AGPS: variants seen among roughly 807,000 people sequenced by gnomAD.
AGPS encodes the protein alkylglycerone phosphate synthase.
A neutral mutation model predicts 90.7 loss-of-function variants in AGPS; 26 were observed. That is an observed-to-expected ratio of 0.29 (90% confidence interval 0.21 to 0.40). The LOEUF (loss-of-function observed/expected upper bound fraction) is 0.40. Among genes scored for constraint, AGPS ranks in the 10% least tolerant of loss-of-function variants. The pLI is 1.00. For missense variants in AGPS, 540 were observed against 816.1 expected (o/e 0.66, Z 4.12); for synonymous variants, 294 against 285.3 (o/e 1.03, Z -0.31).
chr2:177,412,939 C>T (rs544721207), intron 1 of AGPS, among the ~76,000 whole-genome samples: 40 of 152,228 alleles, frequency 2.6e-4, no homozygotes, highest in South Asian at 6.2e-4. Context: ...ATGGGTGCCT[C>T]GCTGGATCAG....
intron 1 of AGPS, among the ~76,000 whole-genome samples, chr2:177,404,041 C>T (rs970822841): frequency 2.0e-5 from 3 of 152,124 alleles, no homozygotes; most frequent in South Asian, 2.1e-4. Context: ...AAATAAGGAA[C>T]GATTGCTTGT....
intron 16 of AGPS, among the ~76,000 whole-genome samples, chr2:177,509,976 T>C (rs1220237704): frequency 6.6e-6 from 1 of 152,040 alleles, no homozygotes; most frequent in Non-Finnish European, 1.5e-5. Context: ...AAAGAAACCC[T>C]GAAACAACCC....
intron 1 of AGPS, 73 bp downstream of exon 1, chr2:177,393,122 G>A: frequency 6.5e-7 from 1 of 1,549,818 alleles, no homozygotes; most frequent in Non-Finnish European, 8.7e-7. Flanking sequence ...GGGCACAGGC[G>A]AGGTGGGAAG....
intron 18 of AGPS, among the ~76,000 whole-genome samples, chr2:177,522,963 T>C (rs532923640): frequency 6.6e-6 from 1 of 152,328 alleles, no homozygotes; most frequent in East Asian, 1.9e-4. Flanking sequence ...GTCATCCTTT[T>C]TTACAGTGCT....
At chr2:177,436,958 CT>C (rs763109096) in intron 4 of AGPS, 21 bp from the exon 5 acceptor site, 4 of 1,611,230 alleles carry the variant, frequency 2.5e-6, no homozygotes, top group East Asian at 2.2e-5. Context: ...TTGTGTTTTT[CT>C]TTTTTTTAAC....
At chr2:177,433,783 T>A (rs899087230) in intron 2 of AGPS, among the ~76,000 whole-genome samples, 1 of 152,220 alleles carries the variant, frequency 6.6e-6, no homozygotes, top group Non-Finnish European at 1.5e-5. Flanking sequence ...AGTTTTTTTT[T>A]AAGCTTAACT....
intron 1 of AGPS, among the ~76,000 whole-genome samples, chr2:177,394,780 T>C (rs1262663864): frequency 6.6e-6 from 1 of 152,148 alleles, no homozygotes; most frequent in Admixed American, 6.5e-5. Flanking sequence ...GCTGTGAGAA[T>C]TGAAAAAAAT....
At chr2:177,395,539 T>C in intron 1 of AGPS, among the ~76,000 whole-genome samples, 1 of 152,246 alleles carries the variant, frequency 6.6e-6, no homozygotes, top group East Asian at 1.9e-4. Flanking sequence ...GGTGATATAC[T>C]TGATAGATAA....
chr2:177,448,871 C>G (rs937035553), intron 8 of AGPS, among the ~76,000 whole-genome samples: 3 of 152,166 alleles, frequency 2.0e-5, no homozygotes, highest in African/African-American at 4.8e-5. Context: ...CCAGGAATCA[C>G]TGATTTGCTT....
chr2:177,442,514 A>G, intron 7 of AGPS, 28 bp downstream of exon 7: 1 of 1,529,970 alleles, frequency 6.5e-7, no homozygotes, highest in Non-Finnish European at 9.1e-7. Context: ...ATATATTTAA[A>G]ACATTTTCTT....
chr2:177,475,559 A>G (rs753625978), intron 10 of AGPS, among the ~76,000 whole-genome samples: 1 of 152,216 alleles, frequency 6.6e-6, no homozygotes, highest in Non-Finnish European at 1.5e-5. Context: ...TTGGAATTAT[A>G]TAATATGTAA....
intron 19 of AGPS, among the ~76,000 whole-genome samples, chr2:177,530,007 T>C (rs1160009501): frequency 5.3e-5 from 8 of 152,196 alleles, no homozygotes; most frequent in Admixed American, 5.2e-4. Context: ...TAAAAAACAA[T>C]AGTTTTGTTT....
intron 8 of AGPS, among the ~76,000 whole-genome samples, chr2:177,447,123 C>T (rs778693445): frequency 6.6e-5 from 10 of 152,106 alleles, no homozygotes; most frequent in Non-Finnish European, 1.2e-4. Context: ...AGAGACCCCT[C>T]TCCTCCAAAC....
intron 1 of AGPS, among the ~76,000 whole-genome samples, chr2:177,400,607 A>G (rs1162611156): frequency 2.0e-5 from 3 of 152,156 alleles, no homozygotes; most frequent in Admixed American, 6.5e-5. Flanking sequence ...TCGTCTTGTC[A>G]TTCACTAAGA....
intron 1 of AGPS, among the ~76,000 whole-genome samples, chr2:177,413,253 GTC>G (rs2105600942): frequency 6.6e-6 from 1 of 152,290 alleles, no homozygotes; most frequent in East Asian, 1.9e-4. Context: ...GGTATTGTTG[GTC>G]TGTCCCCAAA....
chr2:177,475,230 A>T (rs890560804), intron 10 of AGPS, among the ~76,000 whole-genome samples: 2 of 152,256 alleles, frequency 1.3e-5, no homozygotes, highest in Non-Finnish European at 2.9e-5. Flanking sequence ...GGAAAGAATG[A>T]CAGATAATCT....
At chr2:177,448,212 C>T (rs1294021852) in intron 8 of AGPS, among the ~76,000 whole-genome samples, 1 of 152,086 alleles carries the variant, frequency 6.6e-6, no homozygotes, top group African/African-American at 2.4e-5. Flanking sequence ...AGTTACTCAC[C>T]TTTAAGCCTC....
At chr2:177,415,622 A>G (rs1279152366) in intron 1 of AGPS, among the ~76,000 whole-genome samples, 4 of 152,176 alleles carry the variant, frequency 2.6e-5, no homozygotes, top group Non-Finnish European at 5.9e-5. Flanking sequence ...TTGCATGATA[A>G]TGTTCAAGAA....
chr2:177,514,162 C>T (rs1256220517), intron 17 of AGPS, among the ~76,000 whole-genome samples: 6 of 152,020 alleles, frequency 3.9e-5, no homozygotes, highest in African/African-American at 1.5e-4. Context: ...AGTGAAGAGC[C>T]AGGTGTCTGG....
Sources: gnomAD v4.1 joint callset for allele counts (sites outside exome capture counted in the v4.1 genomes callset) on GRCh38, gnomAD v4.1.1 for gene constraint, MANE v1.5 for transcripts, NCBI Gene and HGNC (gene_info 2026-07-23, HGNC 2026-07-21) for gene names.